Variants in KLHL29 observed in about 807,000 individuals in gnomAD.
The protein encoded by KLHL29 is kelch like family member 29, also known as kelch-like protein 29.
KLHL29 carries 21 observed loss-of-function variants against 80.4 expected under a neutral mutation model. The observed-to-expected ratio is 0.26, with a 90% CI of 0.19 to 0.38. The LOEUF (loss-of-function observed/expected upper bound fraction) is 0.38, where lower values mean the gene tolerates loss of function less well. Ranked by LOEUF, KLHL29 falls within the 10% of genes least tolerant of loss-of-function variation. The pLI is 1.00. For missense variants in KLHL29, 867 were observed against 1,223.9 expected, an observed-to-expected ratio of 0.71 and a Z score of 4.35; for synonymous variants, 511 against 526.8, an observed-to-expected ratio of 0.97 and a Z score of 0.41.
rs937192766 is a variant in KLHL29, at chr2:23,691,804, G to T, written c.1210G>T (p.Ala404Ser). The part of the protein sequence containing the change: ...TGSLVIDSAN[A>S]KTLLEAASKF... ...CTCCCTGGTCATCGACTCGGCCAAC[G>T]CCAAGACACTGCTGGAGGCGGCCAG... Residue 404 changes from alanine (A) to serine (S), a missense_variant, in exon 7 of 14, where the codon GCC becomes TCC. Physicochemically the swap from Ala to Ser is moderately conservative, Grantham distance 99. Coordinates refer to ENST00000486442, the MANE Select transcript of KLHL29 (RefSeq NM_052920.2). The T allele has an allele frequency of 6.4e-7, 1 of 1,551,546 alleles. No homozygotes were observed. The highest frequency in any genetic ancestry group is 1.4e-5 in the African/African-American group (1 of 73,048).
chr2:23,639,148 A>C lies in KLHL29; in HGVS notation c.295A>C (p.Ile99Leu), dbSNP rs879142530. Residue 99 changes from isoleucine (I) to leucine (L), a missense_variant, in exon 4 of 14, where the codon ATC (isoleucine) becomes CTC (leucine). Physicochemically the swap from Ile to Leu is conservative, Grantham distance 5. Transcript: ENST00000486442. ...CATCTGCTTCCCACAGGCTCCCGGCATCTCCAAAGGGGACAGTCAGTCCCA... is the reference window on the plus strand; with the variant it reads ...CATCTGCTTCCCACAGGCTCCCGGCCTCTCCAAAGGGGACAGTCAGTCCCA... ...ASAVTTKAPG[I>L]SKGDSQSQGL... The C allele has an allele frequency of 1.3e-6, 2 of 1,531,326 alleles. No homozygotes were observed. The highest frequency in any genetic ancestry group is 1.8e-6 in the Non-Finnish European group (2 of 1,140,272). 94.9% of individuals were successfully genotyped at this position (1,531,326 alleles called of 1,614,324 possible). A position where few individuals can be genotyped will look rare whatever the true frequency, so the allele number is the denominator to read the frequency against.
chr2:23,481,518 T>A (rs1452620113), intron 2 of KLHL29, among the ~76,000 whole-genome samples: 1 of 151,462 alleles, frequency 6.6e-6, no homozygotes, highest in African/African-American at 2.4e-5. Flanking sequence ...GGTAGGAGCC[T>A]CCTGTTTCCC....
Position 23,700,235 on chromosome 2 carries a change from CT to C in KLHL29, c.2106-2950del, listed in dbSNP as rs2149220712. On this transcript the variant is annotated intron_variant, in intron 11 of 13. Transcript: ENST00000486442. This position sits in a 1 kb window ranked among gnomAD's most constrained non-coding sequence, Gnocchi z 4.6. ...TAAAAATTAAAACAAGACCTGTTTT[CT>C]GCTGGCTCGTGAGATCTGAAGTTAA... 6.6e-6 allele frequency among the ~76,000 whole-genome samples: 1 copy of C among 152,322 alleles called. No homozygotes were observed. The highest frequency in any genetic ancestry group is 2.1e-4 in the South Asian group (1 of 4,828).
chr2:23,510,183 T>C (rs1665726433), intron 2 of KLHL29, among the ~76,000 whole-genome samples: 1 of 152,082 alleles, frequency 6.6e-6, no homozygotes, highest in South Asian at 2.1e-4. Context: ...TTTGCTGAAA[T>C]CTTGCCCTCA....
At chr2:23,622,943 G>T (rs1332138596) in intron 3 of KLHL29, among the ~76,000 whole-genome samples, 1 of 152,164 alleles carries the variant, frequency 6.6e-6, no homozygotes, top group Non-Finnish European at 1.5e-5. Context: ...GCAGAACTTG[G>T]ATTTGAACCA....
chr2:23,387,151 A>T (rs1016539414), intron 1 of KLHL29, among the ~76,000 whole-genome samples: 1 of 152,160 alleles, frequency 6.6e-6, no homozygotes, highest in African/African-American at 2.4e-5. Flanking sequence ...TTTATGTAGC[A>T]TTAGGCGAGA....
intron 1 of KLHL29, among the ~76,000 whole-genome samples, chr2:23,389,552 G>A (rs951939428): frequency 2.6e-5 from 4 of 152,164 alleles, no homozygotes; most frequent in Non-Finnish European, 5.9e-5. Flanking sequence ...GATAAACCAA[G>A]GCAGTTACTG....
intron 1 of KLHL29, among the ~76,000 whole-genome samples, chr2:23,454,407 A>C (rs1663980075): frequency 6.6e-6 from 1 of 152,208 alleles, no homozygotes; most frequent in African/African-American, 2.4e-5. Flanking sequence ...TCTTTATTTC[A>C]CAGAGTAATT....
chr2:23,626,314 A>T (rs992561573), intron 3 of KLHL29, among the ~76,000 whole-genome samples: 1 of 152,018 alleles, frequency 6.6e-6, no homozygotes, highest in Admixed American at 6.6e-5. Context: ...ATGAAGCTTC[A>T]CTCACTCACC....
chr2:23,634,721 G>A (rs1221658961), intron 3 of KLHL29, among the ~76,000 whole-genome samples: 1 of 152,166 alleles, frequency 6.6e-6, no homozygotes, highest in African/African-American at 2.4e-5. Flanking sequence ...AGCATCCAGG[G>A]CAACAGTGTT....
intron 3 of KLHL29, among the ~76,000 whole-genome samples, chr2:23,629,955 G>A (rs561178650): frequency 6.6e-6 from 1 of 152,332 alleles, no homozygotes; most frequent in Admixed American, 6.5e-5. Context: ...GAGGCGCTGG[G>A]AAGAGGTTTA....
intron 1 of KLHL29, among the ~76,000 whole-genome samples, chr2:23,413,725 TC>T (rs1666920424): frequency 6.6e-6 from 1 of 152,222 alleles, no homozygotes; most frequent in Admixed American, 6.5e-5. Context: ...TCCCATTTGT[TC>T]CCTTTGTAAG....
chr2:23,572,455 C>T (rs1325683239), intron 3 of KLHL29, among the ~76,000 whole-genome samples: 1 of 152,148 alleles, frequency 6.6e-6, no homozygotes, highest in South Asian at 2.1e-4. Context: ...GTGAAACTTA[C>T]CCATTTATTT....
chr2:23,587,303 A>G (rs1176376994), intron 3 of KLHL29, among the ~76,000 whole-genome samples: 5 of 148,836 alleles, frequency 3.4e-5, no homozygotes, highest in East Asian at 4.0e-4. Context: ...ATTTGTGTAT[A>G]TAACAATGCT....
At chr2:23,432,795 C>CG (rs1663220546) in intron 1 of KLHL29, among the ~76,000 whole-genome samples, 2 of 152,128 alleles carry the variant, frequency 1.3e-5, no homozygotes, top group South Asian at 2.1e-4. Context: ...CAGAGGGAGT[C>CG]GGGGGCAACT....
At chr2:23,674,880 C>G (rs546675697) in intron 5 of KLHL29, among the ~76,000 whole-genome samples, 1 of 152,264 alleles carries the variant, frequency 6.6e-6, no homozygotes, top group South Asian at 2.1e-4. Flanking sequence ...AATGCCTCCC[C>G]CTCTGTCTGC....
chr2:23,626,645 C>T (rs1344676791), intron 3 of KLHL29, among the ~76,000 whole-genome samples: 1 of 152,230 alleles, frequency 6.6e-6, no homozygotes, highest in Admixed American at 6.5e-5. Flanking sequence ...AACAGGATTG[C>T]CTCTCAGTAA....
chr2:23,402,987 G>A (rs1055171283), intron 1 of KLHL29, among the ~76,000 whole-genome samples: 2 of 150,250 alleles, frequency 1.3e-5, no homozygotes, highest in African/African-American at 4.9e-5. Flanking sequence ...TATACATATA[G>A]TTTTCACTGT....
At chr2:23,603,360 A>C (rs1668621758) in intron 3 of KLHL29, among the ~76,000 whole-genome samples, 1 of 152,162 alleles carries the variant, frequency 6.6e-6, no homozygotes, top group African/African-American at 2.4e-5. Flanking sequence ...GATGAAGGCT[A>C]CAGCGGCGGC....
Sources: gnomAD v4.1 joint callset for allele counts (sites outside exome capture counted in the v4.1 genomes callset) on GRCh38, gnomAD v4.1.1 for gene constraint, Gnocchi (gnomAD v3.1) non-coding constraint, MANE v1.5 for transcripts, NCBI Gene and HGNC (gene_info 2026-07-23, HGNC 2026-07-21) for gene names.